Variants in SNX5 observed in about 807,000 individuals in gnomAD.
The protein encoded by SNX5 is sorting nexin-5.
Under a neutral mutation model 53.9 loss-of-function variants are expected in SNX5, and 31 were observed. The ratio of observed to expected loss-of-function variants is 0.58; its 90% CI spans 0.43 to 0.78. The LOEUF (loss-of-function observed/expected upper bound fraction) is 0.78, where lower values mean the gene tolerates loss of function less well. SNX5 is among the 30% of genes least tolerant of loss of function. SNX5 has a pLI of 0.00. For synonymous variants in SNX5, 168 were observed against 171.1 expected, an observed-to-expected ratio of 0.98 and a Z score of 0.14; for missense variants, 471 against 478.8, an observed-to-expected ratio of 0.98 and a Z score of 0.15.
At chr20:17,968,343 C>A (rs1352446017) in intron 1 of SNX5, 32 bp downstream of exon 1, 5 of 1,256,712 alleles carry the variant, frequency 4.0e-6, no homozygotes, top group Non-Finnish European at 5.0e-6. Flanking sequence ...CAGGGCCGCC[C>A]GCCCAGGAGT....
chr20:17,948,773 T>C (rs917140124), intron 10 of SNX5, 117 bp downstream of exon 10: 14 of 784,266 alleles, frequency 1.8e-5, no homozygotes, highest in Non-Finnish European at 2.8e-5. Context: ...CAGAAAGGCA[T>C]GTCATTTATA....
chr20:17,964,113 T>C (rs1001787740), intron 1 of SNX5, among the ~76,000 whole-genome samples: 1 of 152,160 alleles, frequency 6.6e-6, no homozygotes, highest in African/African-American at 2.4e-5. Flanking sequence ...ACAAAATTCA[T>C]GAAAGATATA....
rs1158931744 is a variant in SNX5, at chr20:17,955,406, G to A, written c.226C>T (p.His76Tyr). Residue 76 changes from histidine (H) to tyrosine (Y), a missense_variant, in exon 3 of 13, where the codon CAT becomes TAT. Coordinates refer to ENST00000377759, the MANE Select transcript of SNX5 (RefSeq NM_014426.4). ...TRQHEDFVWL[H>Y]DTLIETTDYA... is the part of the protein sequence containing the mutation. ...TCTGTTGTTTCAATAAGAGTGTCAT[G>A]TAGCCACACAAAGTCTTCATGTTGC... The A allele has an allele frequency of 1.2e-6, 2 of 1,614,008 alleles. No homozygotes were observed. The highest frequency in any genetic ancestry group is 2.2e-5 in the South Asian group (2 of 91,078).
At chr20:17,949,880 A>C (rs539158987) in intron 8 of SNX5, among the ~76,000 whole-genome samples, 7 of 152,370 alleles carry the variant, frequency 4.6e-5, no homozygotes, top group African/African-American at 1.7e-4. Flanking sequence ...ACAGGCTTTT[A>C]AGTGTGACAG....
chr20:17,963,483 A>G (rs917531520), intron 1 of SNX5, among the ~76,000 whole-genome samples: 2 of 152,134 alleles, frequency 1.3e-5, no homozygotes, highest in African/African-American at 4.8e-5. Context: ...AAAAAGTAAA[A>G]AACAGAAATG....
chr20:17,951,503 A>G lies in SNX5; in HGVS notation c.606T>C (p.Val202=), dbSNP rs1384065540. 6.2e-7 allele frequency: 1 copy of G among 1,606,934 alleles called. No individual in the cohort carries two copies. Among genetic ancestry groups the G allele is most frequent in the African/African-American group, 1.3e-5 (1 of 74,910 alleles). Residue 202 remains valine (V), a synonymous_variant, in exon 6 of 13, where the codon GTT becomes GTC. Transcript: ENST00000377759. ...CCAACAGCCAAAGGTCACTTACCTT[A>G]ACTCCAGTAAAAAGGACTTCATCAG... is the stretch of plus-strand genomic sequence containing the variant. ...KSADEVLFTG[V]KEVDDFFEQE... is the part of the protein sequence containing the mutation.
intron 2 of SNX5, among the ~76,000 whole-genome samples, chr20:17,956,353 G>T (rs148924095): frequency 5.3e-5 from 8 of 152,310 alleles, no homozygotes; most frequent in Admixed American, 2.0e-4. Context: ...AACCACATGG[G>T]AAAGGTCTTT....
chr20:17,968,477 G>T lies in SNX5; in HGVS notation c.-52C>A. The T allele has an allele frequency of 7.8e-7, 1 of 1,289,382 alleles. No individual in the cohort carries two copies. 79.9% of individuals were successfully genotyped at this position (1,289,382 alleles called of 1,614,324 possible). On this transcript the variant is annotated 5_prime_UTR_variant, in exon 1 of 13. Transcript: ENST00000377759. The stretch of plus-strand genomic sequence containing the variant: ...GCCTGGCTGTGCGAGGAAAGAAGAA[G>T]CTGGGCCGCCGCCGCCGCCGCCTGG...
Position 17,957,003 on chromosome 20 carries a change from G to C in SNX5, c.86C>G (p.Pro29Arg). Reference sequence around the variant, plus strand: ...ATCAGGTATGTCAATCTGAAGCGAGGGATCAACATTCAGGTCCACAGATAC... The same window carrying C: ...ATCAGGTATGTCAATCTGAAGCGAGCGATCAACATTCAGGTCCACAGATAC... ...RSVSVDLNVD[P>R]SLQIDIPDAL... Residue 29 changes from proline to arginine, a missense_variant, in exon 2 of 13, where the codon CCC becomes CGC. By Grantham distance (103) the Pro-to-Arg change is moderately radical. Transcript: ENST00000377759. 1 of 1,608,938 alleles carries C rather than the reference G, an allele frequency of 6.2e-7. No homozygotes were observed. The highest frequency in any genetic ancestry group is 8.5e-7 in the Non-Finnish European group (1 of 1,175,424).
chr20:17,954,051 C>T lies in SNX5; in HGVS notation c.334G>A (p.Gly112Ser), dbSNP rs1249955302. Reference sequence around the variant, plus strand: ...TCTTCTTTGGTCATAGACCCTTCACCTTCTCCCAGTTTCTGCATCTTCTCT... The same window carrying T: ...TCTTCTTTGGTCATAGACCCTTCACTTTCTCCCAGTTTCTGCATCTTCTCT... Reference protein sequence around the residue: ...PREKMQKLGEGEGSMTKEEFA... With the variant: ...PREKMQKLGESEGSMTKEEFA... Residue 112 changes from glycine to serine, a missense_variant, in exon 4 of 13, where the codon GGT becomes AGT. Transcript: ENST00000377759. 2.5e-6 allele frequency: 4 copies of T among 1,614,008 alleles called. No individual in the cohort carries two copies. In the Middle Eastern group the frequency reaches 4.9e-4, roughly 200 times the overall value.
chr20:17,954,171 A>C (rs1325978318), intron 3 of SNX5, 54 bp from the exon 4 acceptor site: 35 of 1,603,302 alleles, frequency 2.2e-5, no homozygotes, highest in Non-Finnish European at 2.9e-5. Context: ...GATGTTTTCT[A>C]GTTGGTGCCT....
rs6105849 is a variant in SNX5 at position 17,962,950 on chromosome 20, G to C, written c.51+5425C>G. 5.8e-6 allele frequency: 3 copies of C among 514,556 alleles called. No homozygotes were observed. In the Admixed American group the frequency reaches 5.8e-5, roughly 10 times the overall value. The allele number at this position is 514,556 out of a possible 1,614,324, so 31.9% of individuals were successfully genotyped here. ...ATAAACTGAATCATCATTTCACAAGGCTGCAAGCCCATGTACTAATGGAAT... is the reference window on the plus strand; with the variant it reads ...ATAAACTGAATCATCATTTCACAAGCCTGCAAGCCCATGTACTAATGGAAT... On this transcript the variant is annotated intron_variant, in intron 1 of 12. Coordinates refer to ENST00000377759, the MANE Select transcript of SNX5 (RefSeq NM_014426.4).
intron 11 of SNX5, among the ~76,000 whole-genome samples, chr20:17,946,510 C>T (rs760058525): frequency 6.6e-6 from 1 of 152,102 alleles, no homozygotes; most frequent in Non-Finnish European, 1.5e-5. Context: ...CTTGGTAATA[C>T]AATAATGAAT....
At position 17,942,682 on chromosome 20, in the gene SNX5, T is replaced by C. The variant is rs2039433541; in HGVS notation, c.1165-275A>G. The C allele has an allele frequency of 1.2e-5, 6 of 486,788 alleles. No homozygotes were observed. In the South Asian group the frequency reaches 1.5e-4, roughly 12 times the overall value. 30.2% of individuals were successfully genotyped at this position (486,788 alleles called of 1,614,324 possible). ...CTCACCTGCTTGCTCCTAAATGTGA[T>C]CCTGCTTACTGTAACTTCTTAAGAC... is the stretch of plus-strand genomic sequence containing the variant. On this transcript the variant is annotated intron_variant, in intron 12 of 12. Transcript: ENST00000377759.
intron 1 of SNX5, chr20:17,962,761 G>A (rs778131113): frequency 1.2e-5 from 6 of 519,072 alleles, no homozygotes; most frequent in Admixed American, 1.9e-5. Context: ...AGAGGGCCCC[G>A]TCCCTGCTGA....
chr20:17,961,206 G>C, intron 1 of SNX5: 1 of 985,406 alleles, frequency 1.0e-6, no homozygotes, highest in South Asian at 4.7e-5. Flanking sequence ...CAGCTGTTGA[G>C]CTCCTGCCCA....
chr20:17,955,436 T>A lies in SNX5; in HGVS notation c.196A>T (p.Thr66Ser). 1 of 1,614,148 alleles carries A rather than the reference T, an allele frequency of 6.2e-7. No individual in the cohort carries two copies. The highest frequency in any genetic ancestry group is 8.5e-7 in the Non-Finnish European group (1 of 1,179,990). The stretch of plus-strand genomic sequence containing the variant: ...CACACAAAGTCTTCATGTTGCCTTG[T>A]AACAGAAAACTCTGGGCTCTGAAAC... ...PTFQSPEFSV[T>S]RQHEDFVWLH... The change falls in exon 3 of 13, where the codon ACA (threonine) becomes TCA (serine). Residue 66 changes from threonine to serine, a missense_variant. Coordinates refer to ENST00000377759, the MANE Select transcript of SNX5 (RefSeq NM_014426.4).
Position 17,950,406 on chromosome 20 carries a change from A to AG in SNX5, c.610-11dup. On this transcript the variant is annotated splice_polypyrimidine_tract_variant and intron_variant, in intron 6 of 12. Coordinates refer to ENST00000377759, the MANE Select transcript of SNX5 (RefSeq NM_014426.4). ...AGAAGTCATCTACCTCCTAGAAGGAAGAAAAAAAGAACCAGACATTTCATG... is the reference window on the plus strand; with the variant it reads ...AGAAGTCATCTACCTCCTAGAAGGAAGGAAAAAAAGAACCAGACATTTCATG... 1 of 1,479,358 alleles carries AG rather than the reference A, an allele frequency of 6.8e-7. No homozygotes were observed. The highest frequency in any genetic ancestry group is 2.3e-5 in the East Asian group (1 of 44,272). The allele number at this position is 1,479,358 out of a possible 1,614,324, so 91.6% of individuals were successfully genotyped here.
rs2035335195 is a variant in SNX5, at chr20:17,955,364, CA to C, written c.267del (p.Ile90PhefsTer27). On this transcript the variant is annotated frameshift_variant and splice_region_variant, in exon 3 of 13. Coordinates refer to ENST00000377759, the MANE Select transcript of SNX5 (RefSeq NM_014426.4). LOFTEE classifies it high-confidence loss of function. ...CTTATTTGATTTTCTAAAAGACTCA[CA>C]ATAAGCCCAGCATAGTCTGTTGTTT... is the stretch of plus-strand genomic sequence containing the variant. ...LIETTDYAGL[I>X]IPPAPTKPDF... 6.2e-7 allele frequency: 1 copy of C among 1,606,348 alleles called. No homozygotes were observed. Among genetic ancestry groups the C allele is most frequent in the African/African-American group, 1.3e-5 (1 of 74,788 alleles).
Sources: gnomAD v4.1 joint callset for allele counts (sites outside exome capture counted in the v4.1 genomes callset) on GRCh38, gnomAD v4.1.1 for gene constraint, MANE v1.5 for transcripts, NCBI Gene and HGNC (gene_info 2026-07-23, HGNC 2026-07-21) for gene names.